C8orf74: variants seen among roughly 807,000 people sequenced by gnomAD.
C8orf74 encodes chromosome 8 open reading frame 74.
Under a neutral mutation model 22.2 loss-of-function variants are expected in C8orf74, and 29 were observed. That is an observed-to-expected ratio of 1.31 (90% confidence interval 0.97 to 1.78). The LOEUF is 1.78. Ranked by LOEUF, C8orf74 falls within the 40% of genes most tolerant of loss-of-function variation. The pLI, the probability that C8orf74 is intolerant of heterozygous loss-of-function variation, is 0.00. For missense variants in C8orf74, 515 were observed against 369.9 expected (o/e 1.39, Z -3.22); for synonymous variants, 255 against 163.1 (o/e 1.56, Z -4.30).
chr8:10,687,816 G>C (rs1799292898), intron 2 of C8orf74, among the ~76,000 whole-genome samples: 2 of 152,048 alleles, frequency 1.3e-5, no homozygotes, highest in Admixed American at 6.6e-5. Context: ...AGCATACACA[G>C]AGAAAAATGC....
chr8:10,699,017 T>A (rs1169364560), intron 3 of C8orf74, among the ~76,000 whole-genome samples: 5 of 151,084 alleles, frequency 3.3e-5, no homozygotes, highest in African/African-American at 1.2e-4. Flanking sequence ...TCCAGACAAA[T>A]AGCACATCAG....
intron 3 of C8orf74, among the ~76,000 whole-genome samples, chr8:10,699,020 C>T (rs977078495): frequency 6.6e-6 from 1 of 151,982 alleles, no homozygotes; most frequent in Non-Finnish European, 1.5e-5. Flanking sequence ...AGACAAATAG[C>T]ACATCAGGGG....
At chr8:10,696,450 T>C (rs1281193724) in intron 2 of C8orf74, among the ~76,000 whole-genome samples, 24 of 137,110 alleles carry the variant, frequency 1.8e-4, no homozygotes, top group Middle Eastern at 3.5e-3. Flanking sequence ...TCTTTTTTTT[T>C]TTTTTTTTTT....
At chr8:10,685,140 C>T (rs1352760767) in intron 2 of C8orf74, among the ~76,000 whole-genome samples, 1 of 152,196 alleles carries the variant, frequency 6.6e-6, no homozygotes, top group Non-Finnish European at 1.5e-5. Flanking sequence ...CCACAGGTTA[C>T]TAAAACCAAG....
At chr8:10,679,513 C>T (rs1390965343) in intron 2 of C8orf74, among the ~76,000 whole-genome samples, 1 of 152,204 alleles carries the variant, frequency 6.6e-6, no homozygotes, top group Admixed American at 6.5e-5. Flanking sequence ...GGACCATAGG[C>T]TCTGAGTCAC....
intron 2 of C8orf74, among the ~76,000 whole-genome samples, chr8:10,680,295 C>A (rs1051486652): frequency 6.6e-5 from 10 of 152,202 alleles, no homozygotes; most frequent in African/African-American, 1.7e-4. Flanking sequence ...CCTCTCTGTG[C>A]CTCCGTTTCC....
chr8:10,700,292 C>G lies in C8orf74; in HGVS notation c.706C>G (p.Leu236Val), dbSNP rs1386015352. ...VHTQMELLQE[L>V]LQRQIQNTFA... ...CACCCAGATGGAGCTCCTGCAGGAG[C>G]TGCTGCAGCGCCAGATCCAGAACAC... The change falls in exon 4 of 4, where the codon CTG (leucine) becomes GTG (valine). Residue 236 changes from leucine to valine, a missense_variant. Coordinates refer to ENST00000304519, the MANE Select transcript of C8orf74 (RefSeq NM_001040032.2). 6 of 1,613,464 alleles carry G rather than the reference C, an allele frequency of 3.7e-6. No homozygotes were observed. Among genetic ancestry groups the G allele is most frequent in the African/African-American group, 2.7e-5 (2 of 74,914 alleles).
rs138213019 is a variant in C8orf74 at position 10,675,157 on chromosome 8, C to T, written c.241+319C>T. On this transcript the variant is annotated intron_variant, in intron 2 of 3. Transcript: ENST00000304519. The stretch of plus-strand genomic sequence containing the variant: ...ACATAAATCAAATGTGTCACCTTCC[C>T]TGACTTAAAACCCTTCATGGACCTG... Among the ~76,000 whole-genome samples the T allele has an allele frequency of 3.9e-4, 60 of 152,368 alleles. 1 individual carries two copies. Among genetic ancestry groups the T allele is most frequent in the East Asian group, 3.7e-3 (19 of 5,188 alleles).
chr8:10,700,392 T>G lies in C8orf74; in HGVS notation c.806T>G (p.Ile269Ser). 1.2e-6 allele frequency: 1 copy of G among 835,648 alleles called. No individual in the cohort carries two copies. The highest frequency in any genetic ancestry group is 1.8e-6 in the Non-Finnish European group (1 of 545,382). 51.8% of individuals were successfully genotyped at this position (835,648 alleles called of 1,614,324 possible). Reference protein sequence around the residue: ...LNAPTPIPPPITSHAGQEEAL... With the variant: ...LNAPTPIPPPSTSHAGQEEAL... ...GCCCCCACCCCTATCCCGCCCCCCA[T>G]CACCAGCCACGCAGGCCAGGAGGAA... is the stretch of plus-strand genomic sequence containing the variant. The change falls in exon 4 of 4, where the codon ATC (isoleucine) becomes AGC (serine). Residue 269 changes from isoleucine to serine, a missense_variant. Coordinates refer to ENST00000304519, the MANE Select transcript of C8orf74 (RefSeq NM_001040032.2).
At chr8:10,696,498 T>G (rs1218525521) in intron 2 of C8orf74, among the ~76,000 whole-genome samples, 1 of 146,508 alleles carries the variant, frequency 6.8e-6, no homozygotes, top group Non-Finnish European at 1.5e-5. Context: ...CAGGCTGAAG[T>G]GCAGTGTAGC....
chr8:10,672,923 A>G (rs971583427), intron 1 of C8orf74, among the ~76,000 whole-genome samples: 1 of 152,156 alleles, frequency 6.6e-6, no homozygotes, highest in Non-Finnish European at 1.5e-5. Flanking sequence ...TTCAAGCCAC[A>G]TGCAGGCCCA....
chr8:10,684,066 G>C (rs1242468785), intron 2 of C8orf74, among the ~76,000 whole-genome samples: 1 of 152,164 alleles, frequency 6.6e-6, no homozygotes, highest in Non-Finnish European at 1.5e-5. Context: ...AGGAGGACCA[G>C]GGAAGGGGAT....
chr8:10,698,633 C>T (rs1799583866), intron 3 of C8orf74, among the ~76,000 whole-genome samples: 1 of 152,152 alleles, frequency 6.6e-6, no homozygotes, highest in South Asian at 2.1e-4. Context: ...CGACCCCAGC[C>T]TCAGGGTAGC....
intron 2 of C8orf74, among the ~76,000 whole-genome samples, chr8:10,680,606 T>C (rs1372053451): frequency 2.0e-5 from 3 of 152,174 alleles, no homozygotes; most frequent in Non-Finnish European, 4.4e-5. Context: ...ATCCTGCAGA[T>C]AGTTTCAAGG....
At chr8:10,698,147 G>A in intron 3 of C8orf74, 142 bp downstream of exon 3, 1 of 785,648 alleles carries the variant, frequency 1.3e-6, no homozygotes, top group Non-Finnish European at 1.9e-6. Flanking sequence ...AGTCTACCAC[G>A]AGCTTCGCGG....
chr8:10,681,069 G>A (rs903442773), intron 2 of C8orf74, among the ~76,000 whole-genome samples: 1 of 151,472 alleles, frequency 6.6e-6, no homozygotes, highest in Non-Finnish European at 1.5e-5. Flanking sequence ...GCTGGCAGTC[G>A]CAGTGAAGGA....
Position 10,697,912 on chromosome 8 carries a change from G to C in C8orf74, c.555G>C (p.Leu185=). 6.2e-7 allele frequency: 1 copy of C among 1,604,568 alleles called. No homozygotes were observed. Among genetic ancestry groups the C allele is most frequent in the Non-Finnish European group, 8.5e-7 (1 of 1,175,350 alleles). The change falls in exon 3 of 4, where the codon CTG becomes CTC. Residue 185 remains leucine (L), a synonymous_variant. Coordinates refer to ENST00000304519, the MANE Select transcript of C8orf74 (RefSeq NM_001040032.2). ...EAQKRADVLL[L]KEALRLEREN... is the part of the protein sequence containing the mutation. Reference sequence around the variant, plus strand: ...AGAAGCGCGCCGACGTGCTGCTCCTGAAAGAGGCGCTGCGCCTGGAGCGGG... The same window carrying C: ...AGAAGCGCGCCGACGTGCTGCTCCTCAAAGAGGCGCTGCGCCTGGAGCGGG...
At position 10,697,911 on chromosome 8, in the gene C8orf74, T is replaced by C. The variant is rs1799563951; in HGVS notation, c.554T>C (p.Leu185Pro). 1 of 1,604,804 alleles carries C rather than the reference T, an allele frequency of 6.2e-7. No individual in the cohort carries two copies. The highest frequency in any genetic ancestry group is 1.3e-5 in the African/African-American group (1 of 74,948). Reference protein sequence around the residue: ...EAQKRADVLLLKEALRLEREN... With the variant: ...EAQKRADVLLPKEALRLEREN... Reference sequence around the variant, plus strand: ...CAGAAGCGCGCCGACGTGCTGCTCCTGAAAGAGGCGCTGCGCCTGGAGCGG... The same window carrying C: ...CAGAAGCGCGCCGACGTGCTGCTCCCGAAAGAGGCGCTGCGCCTGGAGCGG... Residue 185 changes from leucine (L) to proline (P), a missense_variant, in exon 3 of 4, where the codon CTG becomes CCG. By Grantham distance (98) the Leu-to-Pro change is moderately conservative. Coordinates refer to ENST00000304519, the MANE Select transcript of C8orf74 (RefSeq NM_001040032.2).
At chr8:10,679,672 T>C (rs1390792939) in intron 2 of C8orf74, among the ~76,000 whole-genome samples, 3 of 152,152 alleles carry the variant, frequency 2.0e-5, no homozygotes, top group Non-Finnish European at 4.4e-5. Context: ...AGCTTCTCTC[T>C]CCAGGCCACA....
Sources: allele counts gnomAD v4.1 joint callset (sites outside exome capture counted in the v4.1 genomes callset), GRCh38; gene constraint gnomAD v4.1.1; transcripts MANE v1.5; gene names NCBI Gene and HGNC (gene_info 2026-07-23, HGNC 2026-07-21).